ADGRL2: variants seen among roughly 807,000 people sequenced by gnomAD.
ADGRL2 encodes adhesion G protein-coupled receptor L2, also known as calcium-independent alpha-latrotoxin receptor 2.
Under a neutral mutation model 157.4 loss-of-function variants are expected in ADGRL2, and 44 were observed. That is an observed-to-expected ratio of 0.28 (90% CI 0.22 to 0.36). The LOEUF (loss-of-function observed/expected upper bound fraction) is 0.36, where lower values mean the gene tolerates loss of function less well. Among genes scored for constraint, ADGRL2 ranks in the 10% least tolerant of loss-of-function variants. ADGRL2 has a pLI of 1.00. For missense variants in ADGRL2, 1,510 were observed against 1,768.9 expected (o/e 0.85, Z 2.63); for synonymous variants, 585 against 624.7 (o/e 0.94, Z 0.95).
intron 3 of ADGRL2, among the ~76,000 whole-genome samples, chr1:81,607,424 A>G (rs932373164): frequency 3.9e-5 from 6 of 152,214 alleles, no homozygotes; most frequent in Non-Finnish European, 5.9e-5. Flanking sequence ...GAAAGTTACA[A>G]TAGAAATATC....
intron 2 of ADGRL2, among the ~76,000 whole-genome samples, chr1:81,493,134 T>C (rs1303381869): frequency 6.6e-6 from 1 of 151,924 alleles, no homozygotes; most frequent in Non-Finnish European, 1.5e-5. Context: ...AGAAGCAGAG[T>C]CATTCAGCCT....
At position 81,948,556 on chromosome 1, in the gene ADGRL2, T is replaced by G. The variant is rs550683436; in HGVS notation, c.1211-1633T>G. On this transcript the variant is annotated intron_variant, in intron 6 of 23. Coordinates refer to ENST00000686636, the MANE Select transcript of ADGRL2 (RefSeq NM_001366006.2). Reference sequence around the variant, plus strand: ...CCTTTAAGACTTGATTCAGCAGCAGTCATTTGACACTTCTGCAAAAGATTG... The same window carrying G: ...CCTTTAAGACTTGATTCAGCAGCAGGCATTTGACACTTCTGCAAAAGATTG... 1.1e-4 allele frequency among the ~76,000 whole-genome samples: 17 copies of G among 152,310 alleles called. No homozygotes were observed. In the East Asian group the frequency reaches 3.3e-3, roughly 29 times the overall value.
intron 1 of ADGRL2, among the ~76,000 whole-genome samples, chr1:81,347,389 A>T (rs1662558482): frequency 6.6e-6 from 1 of 152,012 alleles, no homozygotes; most frequent in Admixed American, 6.6e-5. Flanking sequence ...TGACAGAGAG[A>T]GACTGTTTCA....
chr1:81,455,502 G>A (rs1652345415), intron 2 of ADGRL2, among the ~76,000 whole-genome samples: 1 of 152,158 alleles, frequency 6.6e-6, no homozygotes, highest in African/African-American at 2.4e-5. Context: ...CCGGTACTGA[G>A]CTTGTTATCT....
intron 2 of ADGRL2, among the ~76,000 whole-genome samples, chr1:81,459,732 A>T (rs2077882873): frequency 1.3e-5 from 2 of 151,178 alleles, no homozygotes; most frequent in Admixed American, 1.3e-4. Flanking sequence ...ACACACATAC[A>T]CACACATATA....
At chr1:81,497,235 T>G (rs1483666493) in intron 2 of ADGRL2, among the ~76,000 whole-genome samples, 1 of 152,230 alleles carries the variant, frequency 6.6e-6, no homozygotes, top group African/African-American at 2.4e-5. Context: ...TTCACCTGTC[T>G]TGGTTCCCCA....
chr1:81,843,458 C>T (rs1188921196), intron 2 of ADGRL2, among the ~76,000 whole-genome samples: 2 of 152,112 alleles, frequency 1.3e-5, no homozygotes, highest in Non-Finnish European at 2.9e-5. Flanking sequence ...TAAGAAAATA[C>T]TTAACTGTAT....
chr1:81,323,347 C>T (rs1030723684), intron 1 of ADGRL2, among the ~76,000 whole-genome samples: 1 of 151,812 alleles, frequency 6.6e-6, no homozygotes, highest in African/African-American at 2.4e-5. Context: ...TCATGCAACC[C>T]TCCCACCTTA....
chr1:81,838,746 G>T (rs1431024804), intron 2 of ADGRL2, among the ~76,000 whole-genome samples: 4 of 152,008 alleles, frequency 2.6e-5, no homozygotes, highest in African/African-American at 9.7e-5. Context: ...TTAACTCAGT[G>T]GGGGGCTAGC....
chr1:81,575,639 G>T (rs1166389787), intron 2 of ADGRL2, among the ~76,000 whole-genome samples: 1 of 152,072 alleles, frequency 6.6e-6, no homozygotes, highest in Non-Finnish European at 1.5e-5. Flanking sequence ...TAAATTCAGA[G>T]AATAGAAAAA....
intron 23 of ADGRL2, chr1:81,990,143 A>G (rs141509534): frequency 1.0e-6 from 1 of 985,346 alleles, no homozygotes; most frequent in East Asian, 1.1e-4. Flanking sequence ...CCTGAAATTG[A>G]TAAAGTATTA....
chr1:81,418,848 A>T (rs2077078408), intron 1 of ADGRL2, among the ~76,000 whole-genome samples: 1 of 152,210 alleles, frequency 6.6e-6, no homozygotes, highest in Non-Finnish European at 1.5e-5. Context: ...TAGCGATTTA[A>T]CTAACCAAAT....
intron 1 of ADGRL2, among the ~76,000 whole-genome samples, chr1:81,752,121 C>G (rs1256348299): frequency 6.6e-6 from 1 of 152,064 alleles, no homozygotes; most frequent in Non-Finnish European, 1.5e-5. Flanking sequence ...AAGGGTGGAG[C>G]CTTAATGAAA....
At chr1:81,826,915 G>A (rs762874081) in intron 1 of ADGRL2, among the ~76,000 whole-genome samples, 130 of 152,140 alleles carry the variant, frequency 8.5e-4, no homozygotes, top group Non-Finnish European at 1.5e-3. Flanking sequence ...GAAAAATTTA[G>A]CCTTGATTTA....
chr1:81,881,297 T>C (rs1303519655), intron 2 of ADGRL2, among the ~76,000 whole-genome samples: 2 of 152,138 alleles, frequency 1.3e-5, no homozygotes, highest in Non-Finnish European at 2.9e-5. Flanking sequence ...TGCCTCAGCC[T>C]CCCGAGTAGC....
intron 1 of ADGRL2, among the ~76,000 whole-genome samples, chr1:81,308,004 A>G (rs1248557702): frequency 2.0e-5 from 3 of 152,098 alleles, no homozygotes; most frequent in Non-Finnish European, 2.9e-5. Flanking sequence ...TAACAGATAA[A>G]TATGTTCTGC....
In ADGRL2 at chr1:81,485,178, A is replaced by AC. The variant is rs1491348502; in HGVS notation, c.-248+40089_-248+40090insC. On this transcript the variant is annotated intron_variant, in intron 2 of 24. Transcript: ENST00000370721. The stretch of plus-strand genomic sequence containing the variant: ...GAAAAAATATGTGTTTGAAAAGCAC[A>AC]AAAAAAAAAAAAAAGTTTACCTGTC... 5.4e-5 allele frequency among the ~76,000 whole-genome samples: 4 copies of AC among 73,732 alleles called. No individual in the cohort carries two copies. In the Admixed American group the frequency reaches 6.1e-4, roughly 11 times the overall value. 48.4% of individuals were successfully genotyped at this position (73,732 alleles called of 152,430 possible).
At chr1:81,544,505 T>C (rs555019328) in intron 2 of ADGRL2, among the ~76,000 whole-genome samples, 3 of 152,214 alleles carry the variant, frequency 2.0e-5, no homozygotes, top group Non-Finnish European at 4.4e-5. Flanking sequence ...TAATTTAATA[T>C]CTGGTAAAAA....
intron 2 of ADGRL2, among the ~76,000 whole-genome samples, chr1:81,846,382 C>T (rs906293808): frequency 4.4e-5 from 4 of 90,032 alleles, no homozygotes; most frequent in Non-Finnish European, 1.1e-4. Context: ...GTTAAACAGC[C>T]GAGAGAAGCA....
Sources: gnomAD v4.1 joint callset for allele counts (sites outside exome capture counted in the v4.1 genomes callset) on GRCh38, gnomAD v4.1.1 for gene constraint, MANE v1.5 for transcripts, NCBI Gene and HGNC (gene_info 2026-07-23, HGNC 2026-07-21) for gene names.